SRBD1: variants seen among roughly 807,000 people sequenced by gnomAD.
SRBD1 encodes the protein S1 RNA binding domain 1, also known as S1 RNA-binding domain-containing protein 1.
A neutral mutation model predicts 115.3 loss-of-function variants in SRBD1; 88 were observed. That is an observed-to-expected ratio of 0.76 (90% CI 0.64 to 0.91). The LOEUF (loss-of-function observed/expected upper bound fraction) is 0.91, where lower values mean the gene tolerates loss of function less well. Among genes scored for constraint, SRBD1 ranks in the 40% least tolerant of loss-of-function variants. The probability of loss-of-function intolerance (pLI) is 0.00; values close to 1 mark genes in which losing one functional copy is unlikely to be tolerated. For missense variants in SRBD1, 1,385 were observed against 1,177.4 expected (o/e 1.18, Z -2.58); for synonymous variants, 509 against 407.7 (o/e 1.25, Z -2.99).
intron 1 of SRBD1, among the ~76,000 whole-genome samples, chr2:45,609,133 C>G (rs1187828205): frequency 1.3e-5 from 2 of 152,134 alleles, no homozygotes; most frequent in Admixed American, 6.5e-5. Flanking sequence ...GCTTCATTGA[C>G]ATATAATTGA....
At chr2:45,396,215 A>C (rs1667142782) in intron 19 of SRBD1, among the ~76,000 whole-genome samples, 1 of 152,178 alleles carries the variant, frequency 6.6e-6, no homozygotes, top group Admixed American at 6.5e-5. Context: ...CACACAATAT[A>C]TATGTCTGTG....
chr2:45,578,191 C>G (rs1673237314), intron 7 of SRBD1, among the ~76,000 whole-genome samples: 2 of 152,130 alleles, frequency 1.3e-5, no homozygotes, highest in South Asian at 4.1e-4. Flanking sequence ...AGTCGATAAG[C>G]CTTTGTGCAT....
intron 4 of SRBD1, among the ~76,000 whole-genome samples, chr2:45,597,847 G>A (rs1323790585): frequency 6.6e-6 from 1 of 152,206 alleles, no homozygotes; most frequent in African/African-American, 2.4e-5. Context: ...CTGTAACAGA[G>A]GGTGGGAAGC....
chr2:45,549,706 A>C (rs930414514), intron 12 of SRBD1, among the ~76,000 whole-genome samples: 1 of 148,770 alleles, frequency 6.7e-6, no homozygotes, highest in African/African-American at 2.5e-5. Flanking sequence ...CAAAAAAAAA[A>C]AAAAAAAAAA....
At chr2:45,541,695 G>A (rs1671944769) in intron 14 of SRBD1, among the ~76,000 whole-genome samples, 2 of 152,210 alleles carry the variant, frequency 1.3e-5, no homozygotes, top group Admixed American at 1.3e-4. Flanking sequence ...GCTCCCAGTG[G>A]AGAGGAGATG....
chr2:45,438,296 G>A (rs1009409894), intron 16 of SRBD1, among the ~76,000 whole-genome samples: 8 of 152,114 alleles, frequency 5.3e-5, no homozygotes, highest in Non-Finnish European at 2.9e-5. Context: ...AACAAAATTT[G>A]TATTTTCAAC....
At chr2:45,544,672 C>T (rs944316673) in intron 14 of SRBD1, among the ~76,000 whole-genome samples, 4 of 152,142 alleles carry the variant, frequency 2.6e-5, no homozygotes, top group Non-Finnish European at 5.9e-5. Context: ...ATCCCTATTG[C>T]ATCAAGGTGA....
intron 15 of SRBD1, among the ~76,000 whole-genome samples, chr2:45,484,714 A>T (rs1361009414): frequency 6.6e-6 from 1 of 152,226 alleles, no homozygotes; most frequent in Non-Finnish European, 1.5e-5. Flanking sequence ...TGCCAAAAGA[A>T]AAACCTGTAC....
intron 16 of SRBD1, among the ~76,000 whole-genome samples, chr2:45,461,551 C>A (rs1669318229): frequency 1.3e-5 from 2 of 152,124 alleles, no homozygotes; most frequent in African/African-American, 4.8e-5. Flanking sequence ...ACAGACAAGT[C>A]CCTCTGTCAA....
intron 16 of SRBD1, among the ~76,000 whole-genome samples, chr2:45,474,821 C>A (rs1669757793): frequency 6.6e-6 from 1 of 152,106 alleles, no homozygotes; most frequent in Admixed American, 6.5e-5. Flanking sequence ...TTCTTGTTTT[C>A]CCATGCTGTT....
At chr2:45,581,416 A>G (rs1673359604) in intron 6 of SRBD1, among the ~76,000 whole-genome samples, 1 of 152,164 alleles carries the variant, frequency 6.6e-6, no homozygotes, top group Non-Finnish European at 1.5e-5. Context: ...GCCCTCTCTG[A>G]TAAGCTTCAC....
chr2:45,472,955 TG>T (rs1239786173), intron 16 of SRBD1, among the ~76,000 whole-genome samples: 1 of 110,946 alleles, frequency 9.0e-6, no homozygotes. Context: ...ATATCAAGGT[TG>T]TTTTTTTTTT....
chr2:45,459,120 C>T (rs1277293099), intron 16 of SRBD1, among the ~76,000 whole-genome samples: 1 of 152,080 alleles, frequency 6.6e-6, no homozygotes. Context: ...CTCTTCCACT[C>T]CCACCTCCAA....
At chr2:45,432,835 C>A (rs1453512001) in intron 16 of SRBD1, among the ~76,000 whole-genome samples, 4 of 152,126 alleles carry the variant, frequency 2.6e-5, no homozygotes, top group Non-Finnish European at 4.4e-5. Flanking sequence ...ATCATTTATG[C>A]TAGTCAGCTT....
intron 2 of SRBD1, among the ~76,000 whole-genome samples, chr2:45,604,425 G>A (rs969894617): frequency 2.0e-5 from 3 of 152,092 alleles, no homozygotes; most frequent in Non-Finnish European, 4.4e-5. Context: ...TAAGCCTTGA[G>A]GGATTCCAAC....
chr2:45,390,841 A>T (rs1666976732), intron 20 of SRBD1, among the ~76,000 whole-genome samples: 1 of 152,206 alleles, frequency 6.6e-6, no homozygotes, highest in Non-Finnish European at 1.5e-5. Context: ...TAAACTCCAA[A>T]TCTCACTGTA....
intron 3 of SRBD1, 78 bp downstream of exon 3, chr2:45,601,825 T>C (rs1674100755): frequency 6.4e-7 from 1 of 1,552,560 alleles, no homozygotes; most frequent in African/African-American, 1.4e-5. Context: ...TGCCTTGTCC[T>C]ACTCTGTAGA....
Position 45,410,747 on chromosome 2 carries a change from G to A in SRBD1, c.2513+2367C>T, listed in dbSNP as rs151084466. ...GCTGAAGGTCGAGTTGATCACTAATGGCCAATGATTCAATCATGCCTATGT... is the reference window on the plus strand; with the variant it reads ...GCTGAAGGTCGAGTTGATCACTAATAGCCAATGATTCAATCATGCCTATGT... On this transcript the variant is annotated intron_variant, in intron 19 of 20. Transcript: ENST00000263736. Among the ~76,000 whole-genome samples the A allele has an allele frequency of 4.5e-4, 68 of 152,268 alleles. No homozygotes were observed. In the East Asian group the frequency reaches 0.011, roughly 24 times the overall value.
intron 3 of SRBD1, among the ~76,000 whole-genome samples, 164 bp from the exon 4 acceptor site, chr2:45,599,999 C>T (rs1674042484): frequency 6.6e-6 from 1 of 152,160 alleles, no homozygotes; most frequent in African/African-American, 2.4e-5. Flanking sequence ...CTCAAAGTTA[C>T]ATACTATATG....
Sources: allele counts gnomAD v4.1 joint callset (sites outside exome capture counted in the v4.1 genomes callset), GRCh38; gene constraint gnomAD v4.1.1; transcripts MANE v1.5; gene names NCBI Gene and HGNC (gene_info 2026-07-23, HGNC 2026-07-21).